ARFGEF3: variants seen among roughly 807,000 people sequenced by gnomAD.
The protein encoded by ARFGEF3 is brefeldin A-inhibited guanine nucleotide-exchange protein 3.
ARFGEF3 carries 96 observed loss-of-function variants against 221.7 expected under a neutral mutation model. The observed-to-expected ratio is 0.43, with a 90% CI of 0.37 to 0.51. ARFGEF3 has a LOEUF of 0.51. Ranked by LOEUF, ARFGEF3 falls within the 20% of genes least tolerant of loss-of-function variation. The probability of loss-of-function intolerance (pLI) is 0.00; values close to 1 mark genes in which losing one functional copy is unlikely to be tolerated. For synonymous variants in ARFGEF3, 1,145 were observed against 1,126.8 expected (o/e 1.02, Z -0.32); for missense variants, 2,410 against 2,789.9 (o/e 0.86, Z 3.07).
intron 2 of ARFGEF3, among the ~76,000 whole-genome samples, chr6:138,195,262 C>T (rs562072228): frequency 1.3e-5 from 2 of 152,132 alleles, no homozygotes; most frequent in African/African-American, 2.4e-5. Context: ...CCTCGGCCTC[C>T]CAAAGTGCCA....
chr6:138,193,043 G>A (rs904556900), intron 2 of ARFGEF3, among the ~76,000 whole-genome samples: 3 of 152,054 alleles, frequency 2.0e-5, no homozygotes, highest in African/African-American at 7.2e-5. Context: ...TTTTCAACTG[G>A]CTAAAGGTTA....
intron 22 of ARFGEF3, 73 bp from the exon 23 acceptor site, chr6:138,307,180 A>C (rs1437004262): frequency 1.1e-5 from 17 of 1,499,894 alleles, no homozygotes; most frequent in Non-Finnish European, 1.5e-5. Flanking sequence ...ACAGAGAAAT[A>C]CATCACCCTT....
At chr6:138,196,334 T>G (rs1219309194) in intron 2 of ARFGEF3, among the ~76,000 whole-genome samples, 1 of 152,258 alleles carries the variant, frequency 6.6e-6, no homozygotes, top group Non-Finnish European at 1.5e-5. Context: ...TACAGTCTAC[T>G]ATACACCTAG....
chr6:138,207,248 T>A lies in ARFGEF3; in HGVS notation c.219+125T>A, dbSNP rs1777641013. ...GACTCAGGCAGAAATTTGATTGAAC[T>A]AGGAAATAACTATAGAGAATAACAG... On this transcript the variant is annotated intron_variant, in intron 3 of 33. Coordinates refer to ENST00000251691, the MANE Select transcript of ARFGEF3 (RefSeq NM_020340.5). 1.0e-5 allele frequency: 7 copies of A among 699,056 alleles called. No individual in the cohort carries two copies. In the South Asian group the frequency reaches 1.2e-4, roughly 12 times the overall value. 43.3% of individuals were successfully genotyped at this position (699,056 alleles called of 1,614,324 possible). A position where few individuals can be genotyped will look rare whatever the true frequency, so the allele number is the denominator to read the frequency against.
At chr6:138,253,652 C>T (rs546506589) in intron 8 of ARFGEF3, among the ~76,000 whole-genome samples, 1 of 152,334 alleles carries the variant, frequency 6.6e-6, no homozygotes, top group Admixed American at 6.5e-5. Flanking sequence ...TTGATCACCT[C>T]TGCAAGGACC....
rs542624433 is a variant in ARFGEF3, at chr6:138,206,343, CTTTTT to C, written c.138-688_138-684del. On this transcript the variant is annotated intron_variant, in intron 2 of 33. Transcript: ENST00000251691. ...CCTTTAAAATATCCAAATATCTCTCCTTTTTTTTTTTTTTTGTCTCTCCCCTGACA... is the reference window on the plus strand; with the variant it reads ...CCTTTAAAATATCCAAATATCTCTCCTTTTTTTTTTGTCTCTCCCCTGACA... Among the ~76,000 whole-genome samples the C allele has an allele frequency of 2.2e-5, 3 of 135,054 alleles. No individual in the cohort carries two copies. The Admixed American group carries it at 2.3e-4, about 10-fold the overall frequency. The allele number at this position is 135,054 out of a possible 152,430, so 88.6% of individuals were successfully genotyped here. A position where few individuals can be genotyped will look rare whatever the true frequency, so the allele number is the denominator to read the frequency against.
At chr6:138,327,923 A>C (rs1554210028) in intron 31 of ARFGEF3, 98 bp from the exon 32 acceptor site, 1 of 895,022 alleles carries the variant, frequency 1.1e-6, no homozygotes, top group Non-Finnish European at 1.7e-6. Flanking sequence ...CTCATTTTAT[A>C]GATGAGGCTC....
At position 138,242,952 on chromosome 6, in the gene ARFGEF3, A is replaced by T; in HGVS notation, c.544A>T (p.Ile182Leu). 2.5e-6 allele frequency: 4 copies of T among 1,610,874 alleles called. No individual in the cohort carries two copies. Among genetic ancestry groups the T allele is most frequent in the Non-Finnish European group, 2.5e-6 (3 of 1,177,508 alleles). Residue 182 changes from isoleucine (I) to leucine (L), a missense_variant and splice_region_variant, in exon 7 of 34, where the codon ATA becomes TTA. By Grantham distance (5) the Ile-to-Leu change is conservative. Transcript: ENST00000251691. ...LQLRQRQENT[I>L]IENPDVPQDF... ...TGTGTGTGTGTATCTCCCTTACTAG[A>T]TAATTGAAAACCCAGATGTCCCACA...
At chr6:138,290,248 C>G (rs1362986261) in intron 18 of ARFGEF3, among the ~76,000 whole-genome samples, 3 of 152,106 alleles carry the variant, frequency 2.0e-5, no homozygotes, top group Admixed American at 1.3e-4. Flanking sequence ...GGAAGAAAAA[C>G]CAATTAAATA....
chr6:138,238,018 C>T (rs1056707130), intron 5 of ARFGEF3, among the ~76,000 whole-genome samples: 2 of 152,208 alleles, frequency 1.3e-5, no homozygotes, highest in Non-Finnish European at 2.9e-5. Flanking sequence ...AGTAACACAG[C>T]TGATGTCCTG....
At chr6:138,176,269 C>G (rs962361066) in intron 2 of ARFGEF3, among the ~76,000 whole-genome samples, 1 of 151,550 alleles carries the variant, frequency 6.6e-6, no homozygotes, top group African/African-American at 2.4e-5. Flanking sequence ...GCAACCTCCA[C>G]CTCCTGAGTT....
At chr6:138,216,052 C>T (rs1277197611) in intron 4 of ARFGEF3, 1 of 151,332 alleles carries the variant, frequency 6.6e-6, no homozygotes, top group Non-Finnish European at 1.5e-5. Flanking sequence ...AATCTCAGCT[C>T]ACCGCAACCT....
intron 14 of ARFGEF3, among the ~76,000 whole-genome samples, chr6:138,284,628 A>G (rs1233886962): frequency 6.6e-6 from 1 of 152,212 alleles, no homozygotes; most frequent in East Asian, 1.9e-4. Flanking sequence ...AAAAACTTAA[A>G]CAGGATAACT....
chr6:138,300,774 C>A (rs569980229), intron 22 of ARFGEF3, among the ~76,000 whole-genome samples: 2 of 152,204 alleles, frequency 1.3e-5, no homozygotes, highest in East Asian at 1.9e-4. Flanking sequence ...GATCTTGAGG[C>A]AAAAGGGACA....
intron 4 of ARFGEF3, among the ~76,000 whole-genome samples, chr6:138,212,267 C>A (rs1429446730): frequency 1.3e-5 from 2 of 152,218 alleles, no homozygotes; most frequent in Admixed American, 1.3e-4. Context: ...TTGACTCATG[C>A]CTGTAATCCC....
At chr6:138,270,427 G>GACACACACAC (rs3044804) in intron 12 of ARFGEF3, among the ~76,000 whole-genome samples, 28,449 of 139,050 alleles carry the variant, frequency 0.2, 3,619 homozygotes, top group Non-Finnish European at 0.27. Context: ...ATTTTACGTA[G>GACACACACAC]ACACACACAC....
intron 2 of ARFGEF3, among the ~76,000 whole-genome samples, chr6:138,203,883 C>T (rs542736988): frequency 3.2e-4 from 49 of 151,960 alleles, no homozygotes; most frequent in Middle Eastern, 3.4e-3. Context: ...CTTCGTGATC[C>T]GCCCTCCTTG....
intron 2 of ARFGEF3, among the ~76,000 whole-genome samples, chr6:138,178,521 G>T (rs1777000975): frequency 6.6e-6 from 1 of 152,090 alleles, no homozygotes; most frequent in African/African-American, 2.4e-5. Context: ...TCTCTCCCTT[G>T]TGTCCTCACC....
At chr6:138,285,202 G>T (rs376605862) in intron 14 of ARFGEF3, among the ~76,000 whole-genome samples, 1 of 152,104 alleles carries the variant, frequency 6.6e-6, no homozygotes, top group African/African-American at 2.4e-5. Context: ...GGTGGCTCAC[G>T]CCTGTAATCC....
Sources: allele counts gnomAD v4.1 joint callset (sites outside exome capture counted in the v4.1 genomes callset), GRCh38; gene constraint gnomAD v4.1.1; transcripts MANE v1.5; gene names NCBI Gene and HGNC (gene_info 2026-07-23, HGNC 2026-07-21).